HS3ST5: variants seen among roughly 807,000 people sequenced by gnomAD.
The protein encoded by HS3ST5 is heparan sulfate glucosamine 3-O-sulfotransferase 5.
A neutral mutation model predicts 25.4 loss-of-function variants in HS3ST5; 10 were observed. The ratio of observed to expected loss-of-function variants is 0.39; its 90% CI spans 0.24 to 0.67. The LOEUF (loss-of-function observed/expected upper bound fraction) is 0.67. Ranked by LOEUF, HS3ST5 falls within the 30% of genes least tolerant of loss-of-function variation. The pLI is 0.44. For synonymous variants in HS3ST5, 170 were observed against 162.4 expected (o/e 1.05, Z -0.36); for missense variants, 324 against 420.7 (o/e 0.77, Z 2.01).
intron 1 of HS3ST5, among the ~76,000 whole-genome samples, chr6:114,272,668 CG>C (rs1415292236): frequency 6.6e-6 from 1 of 152,108 alleles, no homozygotes; most frequent in African/African-American, 2.4e-5. Flanking sequence ...CCAGGATCCA[CG>C]TGGGACCTCC....
intron 1 of HS3ST5, among the ~76,000 whole-genome samples, chr6:114,290,434 G>T (rs1774523135): frequency 1.3e-5 from 2 of 152,080 alleles, no homozygotes; most frequent in African/African-American, 2.4e-5. Context: ...ACTAACTAAA[G>T]TCCCATCCTG....
At chr6:114,071,814 G>A (rs545545400) in intron 3 of HS3ST5, among the ~76,000 whole-genome samples, 14 of 152,034 alleles carry the variant, frequency 9.2e-5, no homozygotes, top group African/African-American at 1.7e-4. Context: ...GCCTAGATTC[G>A]CTGATTGTTA....
chr6:114,102,473 T>G (rs775560268), intron 3 of HS3ST5, among the ~76,000 whole-genome samples: 1 of 152,136 alleles, frequency 6.6e-6, no homozygotes, highest in African/African-American at 2.4e-5. Flanking sequence ...AACATTACCA[T>G]GATGGGTCCC....
intron 1 of HS3ST5, among the ~76,000 whole-genome samples, chr6:114,260,449 T>C (rs1773122057): frequency 1.3e-5 from 2 of 152,238 alleles, no homozygotes; most frequent in Non-Finnish European, 2.9e-5. Context: ...TTCACTTTGC[T>C]CTTTTAACAG....
intron 2 of HS3ST5, among the ~76,000 whole-genome samples, chr6:114,192,983 C>A (rs185633510): frequency 1.3e-5 from 2 of 152,188 alleles, no homozygotes; most frequent in Admixed American, 6.5e-5. Flanking sequence ...CTGCCCCCAC[C>A]TTTTTAAAAG....
At chr6:114,072,039 T>C (rs1208020690) in intron 3 of HS3ST5, among the ~76,000 whole-genome samples, 1 of 152,170 alleles carries the variant, frequency 6.6e-6, no homozygotes, top group Non-Finnish European at 1.5e-5. Flanking sequence ...GACTGCTTAG[T>C]CTGGGGTTGT....
chr6:114,073,991 T>G (rs1040207592), intron 3 of HS3ST5, among the ~76,000 whole-genome samples: 10 of 152,192 alleles, frequency 6.6e-5, no homozygotes, highest in Non-Finnish European at 1.5e-4. Flanking sequence ...TCATGTCCTT[T>G]GCAGAGAGAT....
intron 1 of HS3ST5, among the ~76,000 whole-genome samples, chr6:114,341,567 C>T (rs540354751): frequency 6.6e-6 from 1 of 150,520 alleles, no homozygotes; most frequent in South Asian, 2.1e-4. Flanking sequence ...AACAGTATGA[C>T]CACCCTTCGA....
chr6:114,205,959 T>A (rs1781260380), intron 2 of HS3ST5, among the ~76,000 whole-genome samples: 3 of 152,124 alleles, frequency 2.0e-5, no homozygotes, highest in Admixed American at 2.0e-4. Flanking sequence ...TGTGGCCTGG[T>A]TTGTAACAGG....
At chr6:114,176,517 G>T (rs899838935) in intron 2 of HS3ST5, among the ~76,000 whole-genome samples, 20 of 152,064 alleles carry the variant, frequency 1.3e-4, no homozygotes, top group Non-Finnish European at 2.5e-4. Flanking sequence ...TAACATTTTT[G>T]AAAGAACTAA....
intron 1 of HS3ST5, among the ~76,000 whole-genome samples, chr6:114,256,724 C>T (rs938462271): frequency 6.6e-6 from 1 of 152,148 alleles, no homozygotes; most frequent in Non-Finnish European, 1.5e-5. Context: ...ATTTTCCTGT[C>T]TTCTTCTGAG....
intron 1 of HS3ST5, among the ~76,000 whole-genome samples, chr6:114,249,890 G>A (rs192292595): frequency 3.2e-4 from 48 of 152,250 alleles, no homozygotes; most frequent in African/African-American, 1.1e-3. Flanking sequence ...GAACTTAAAT[G>A]GGGATATTGC....
At chr6:114,228,061 G>A (rs550679313) in intron 2 of HS3ST5, among the ~76,000 whole-genome samples, 1 of 152,076 alleles carries the variant, frequency 6.6e-6, no homozygotes, top group South Asian at 2.1e-4. Flanking sequence ...AAAAGCTCAG[G>A]TTTAGCATAA....
At chr6:114,294,189 A>T (rs943422009) in intron 1 of HS3ST5, among the ~76,000 whole-genome samples, 8 of 152,180 alleles carry the variant, frequency 5.3e-5, no homozygotes, top group Admixed American at 1.3e-4. Flanking sequence ...AGGAGATGCC[A>T]TTGGGAAAAG....
intron 2 of HS3ST5, among the ~76,000 whole-genome samples, chr6:114,195,553 TTCTA>T (rs1780697854): frequency 6.6e-6 from 1 of 152,152 alleles, no homozygotes; most frequent in South Asian, 2.1e-4. Flanking sequence ...AGGACCAGGA[TTCTA>T]TCTGTTTTAT....
intron 3 of HS3ST5, among the ~76,000 whole-genome samples, chr6:114,128,261 C>T (rs894261348): frequency 2.6e-5 from 4 of 152,062 alleles, no homozygotes; most frequent in Non-Finnish European, 2.9e-5. Flanking sequence ...TTGTATGCTG[C>T]GTTTTTGTTC....
At chr6:114,311,539 C>CTTTTTTTTTTTTTT (rs11463610) in intron 1 of HS3ST5, among the ~76,000 whole-genome samples, 1 of 84,880 alleles carries the variant, frequency 1.2e-5, no homozygotes, top group Non-Finnish European at 2.1e-5. Context: ...TTCTCTCTCT[C>CTTTTTTTTTTTTTT]TTTTTTTTTT....
intron 1 of HS3ST5, among the ~76,000 whole-genome samples, chr6:114,262,409 T>C (rs964956522): frequency 2.6e-5 from 4 of 152,110 alleles, no homozygotes; most frequent in African/African-American, 7.2e-5. Flanking sequence ...TAGCCAGGCG[T>C]GGTGGCAGGC....
At chr6:114,257,695 C>G (rs549389530) in intron 1 of HS3ST5, among the ~76,000 whole-genome samples, 1 of 152,158 alleles carries the variant, frequency 6.6e-6, no homozygotes, top group East Asian at 1.9e-4. Flanking sequence ...TCTTTAATCC[C>G]TTTATTTGTA....
Sources: gnomAD v4.1 joint callset for allele counts (sites outside exome capture counted in the v4.1 genomes callset) on GRCh38, gnomAD v4.1.1 for gene constraint, MANE v1.5 for transcripts, NCBI Gene and HGNC (gene_info 2026-07-23, HGNC 2026-07-21) for gene names.